BCAS1: variants seen among roughly 807,000 people sequenced by gnomAD.
BCAS1 encodes the protein brain enriched myelin associated protein 1, also known as breast carcinoma-amplified sequence 1.
A neutral mutation model predicts 65.4 loss-of-function variants in BCAS1; 46 were observed. The ratio of observed to expected loss-of-function variants is 0.70; its 90% CI spans 0.55 to 0.90. The LOEUF is 0.90. BCAS1 is among the 40% of genes least tolerant of loss of function. The pLI, the probability that BCAS1 is intolerant of heterozygous loss-of-function variation, is 0.00. For missense variants in BCAS1, 793 were observed against 771.2 expected (o/e 1.03, Z -0.33); for synonymous variants, 298 against 293.5 (o/e 1.02, Z -0.16).
chr20:54,057,981 G>T, intron 3 of BCAS1, 104 bp downstream of exon 3: 1 of 881,446 alleles, frequency 1.1e-6, no homozygotes, highest in Non-Finnish European at 1.8e-6. Context: ...AACTGAGCCT[G>T]CGGCTTCGAC....
intron 7 of BCAS1, among the ~76,000 whole-genome samples, chr20:53,987,639 A>G (rs2090647265): frequency 6.6e-6 from 1 of 152,212 alleles, no homozygotes; most frequent in South Asian, 2.1e-4. Context: ...GGAGAGGATG[A>G]CAGTAAATAA....
At chr20:53,947,751 C>T (rs2089374950) in intron 12 of BCAS1, among the ~76,000 whole-genome samples, 1 of 152,282 alleles carries the variant, frequency 6.6e-6, no homozygotes, top group African/African-American at 2.4e-5. Flanking sequence ...CTCCATTTAC[C>T]GTGCATTGTA....
chr20:53,962,913 C>T (rs931790348), intron 10 of BCAS1, among the ~76,000 whole-genome samples: 2 of 152,014 alleles, frequency 1.3e-5, no homozygotes, highest in Non-Finnish European at 2.9e-5. Flanking sequence ...TGCAGTGGCG[C>T]GATCTCAGCT....
At chr20:54,030,846 T>C (rs899428413) in intron 3 of BCAS1, among the ~76,000 whole-genome samples, 4 of 151,292 alleles carry the variant, frequency 2.6e-5, no homozygotes, top group Non-Finnish European at 4.4e-5. Context: ...TAACCTTTTT[T>C]TCTGTGATTC....
In BCAS1 at chr20:54,037,675, A is replaced by G. The variant is rs1302833259; in HGVS notation, c.143-8703T>C. On this transcript the variant is annotated intron_variant, in intron 3 of 12. Transcript: ENST00000688948. ...GGTACTATCATCACTCCCATTTTACAGGTCGTGAAACTGAGGCTCTGAAAA... is the reference window on the plus strand; with the variant it reads ...GGTACTATCATCACTCCCATTTTACGGGTCGTGAAACTGAGGCTCTGAAAA... Among the ~76,000 whole-genome samples the G allele has an allele frequency of 2.0e-5, 3 of 151,416 alleles. No individual in the cohort carries two copies. In the East Asian group the frequency reaches 5.8e-4, roughly 29 times the overall value.
chr20:54,007,684 A>G (rs1793439589), intron 4 of BCAS1, among the ~76,000 whole-genome samples: 2 of 152,198 alleles, frequency 1.3e-5, no homozygotes, highest in Non-Finnish European at 2.9e-5. Flanking sequence ...TTCCAGGTGA[A>G]ATTCTCAGCT....
chr20:53,958,416 T>C (rs1460598104), intron 10 of BCAS1, among the ~76,000 whole-genome samples: 1 of 152,162 alleles, frequency 6.6e-6, no homozygotes, highest in Non-Finnish European at 1.5e-5. Flanking sequence ...TCTTCCCAGC[T>C]AAGGGAGGAG....
At chr20:53,988,655 G>A (rs6022897) in intron 7 of BCAS1, among the ~76,000 whole-genome samples, 19,120 of 152,124 alleles carry the variant, frequency 0.13, 2,610 homozygotes, top group African/African-American at 0.34. Flanking sequence ...TGTGTTGGAA[G>A]CTTACAATTT....
chr20:53,966,027 T>A (rs2090016530), intron 10 of BCAS1, among the ~76,000 whole-genome samples: 2 of 152,160 alleles, frequency 1.3e-5, no homozygotes, highest in South Asian at 4.1e-4. Context: ...ACACTGTAGG[T>A]GGGAATGTGA....
chr20:54,034,363 T>G (rs753570409), intron 3 of BCAS1, among the ~76,000 whole-genome samples: 1 of 151,346 alleles, frequency 6.6e-6, no homozygotes, highest in South Asian at 2.1e-4. Flanking sequence ...GCAGATTACA[T>G]GACATTATAT....
chr20:54,045,555 C>G (rs2092088019), intron 3 of BCAS1, among the ~76,000 whole-genome samples: 1 of 152,176 alleles, frequency 6.6e-6, no homozygotes, highest in South Asian at 2.1e-4. Flanking sequence ...CATAAATGAG[C>G]TAAACCTTGC....
At position 54,041,908 on chromosome 20, in the gene BCAS1, C is replaced by CAAAAAAAAAAAAAAAAAAAAAAAAAA; in HGVS notation, c.143-12937_143-12936insTTTTTTTTTTTTTTTTTTTTTTTTTT. Among the ~76,000 whole-genome samples, 191 of 67,318 alleles carry CAAAAAAAAAAAAAAAAAAAAAAAAAA rather than the reference C, an allele frequency of 2.8e-3. 49 individuals carry two copies. The highest frequency in any genetic ancestry group is 4.5e-3 in the South Asian group (6 of 1,334). 44.2% of individuals were successfully genotyped at this position (67,318 alleles called of 152,430 possible). On this transcript the variant is annotated intron_variant, in intron 3 of 12. Transcript: ENST00000688948. ...AGTTCAGAGTGAGACTCTGTCTCCC[C>CAAAAAAAAAAAAAAAAAAAAAAAAAA]CAAAAAAAAAAAAAAAAAAAAAAGA... is the stretch of plus-strand genomic sequence containing the variant.
In BCAS1 at chr20:54,028,971, G is replaced by A. The variant is rs767842143; in HGVS notation, c.144C>T (p.Val48=). 5.6e-6 allele frequency: 9 copies of A among 1,603,566 alleles called. No homozygotes were observed. In the East Asian group the frequency reaches 6.7e-5, roughly 12 times the overall value. Residue 48 remains valine, a splice_region_variant and synonymous_variant, in exon 4 of 13, where the codon GTC becomes GTT. Transcript: ENST00000688948. Reference sequence around the variant, plus strand: ...CCGTCTTGACACTTATTCCCAAGTCGACTGTAAACACAAACATAAACAGTG... The same window carrying A: ...CCGTCTTGACACTTATTCCCAAGTCAACTGTAAACACAAACATAAACAGTG... The part of the protein sequence containing the change: ...STHTVQHLEE[V]DLGISVKTDN...
chr20:54,048,098 G>A (rs1180364081), intron 3 of BCAS1, among the ~76,000 whole-genome samples: 2 of 152,056 alleles, frequency 1.3e-5, no homozygotes, highest in Non-Finnish European at 2.9e-5. Flanking sequence ...ATGAGGATGG[G>A]GTGTCTCACA....
At chr20:54,016,537 C>A (rs2091442904) in intron 4 of BCAS1, among the ~76,000 whole-genome samples, 1 of 152,196 alleles carries the variant, frequency 6.6e-6, no homozygotes, top group Non-Finnish European at 1.5e-5. Flanking sequence ...ACCTATCAAT[C>A]AATAAATTCT....
At chr20:54,046,437 G>A (rs541534518) in intron 3 of BCAS1, among the ~76,000 whole-genome samples, 1 of 148,676 alleles carries the variant, frequency 6.7e-6, no homozygotes, top group Admixed American at 6.9e-5. Context: ...GCTGAGGCAG[G>A]AGAATCACTT....
Position 53,966,913 on chromosome 20 carries a change from C to T in BCAS1, c.1478G>A (p.Arg493Lys). 1 of 1,606,798 alleles carries T rather than the reference C, an allele frequency of 6.2e-7. No individual in the cohort carries two copies. Among genetic ancestry groups the T allele is most frequent in the Non-Finnish European group, 8.5e-7 (1 of 1,177,934 alleles). Residue 493 changes from arginine (R) to lysine (K), a missense_variant, in exon 10 of 13, where the codon AGA (arginine) becomes AAA (lysine). Transcript: ENST00000688948. ...KPRTSLMAFLRQMSVKGDGGI... is the reference protein window; with the variant it reads ...KPRTSLMAFLKQMSVKGDGGI... The stretch of plus-strand genomic sequence containing the variant: ...TGGAAGTAAGGGGCTTACCATTTGT[C>T]TGAGAAACGCCATCAGAGAGGTTCT...
chr20:53,995,969 C>G lies in BCAS1; in HGVS notation c.805G>C (p.Glu269Gln), dbSNP rs374457449. Reference sequence around the variant, plus strand: ...GCCTGGGAATCGTCCTTTGCAGTCTCCAGTCCTTCTGGGTCCCCAGGGACA... The same window carrying G: ...GCCTGGGAATCGTCCTTTGCAGTCTGCAGTCCTTCTGGGTCCCCAGGGACA... ...CSVPGDPEGL[E>Q]TAKDDSQAAA... is the part of the protein sequence containing the mutation. Residue 269 changes from glutamate (E) to glutamine (Q), a missense_variant, in exon 5 of 13, where the codon GAG becomes CAG. Physicochemically the swap from Glu to Gln is conservative, Grantham distance 29 (BLOSUM62 2). Coordinates refer to ENST00000688948, the MANE Select transcript of BCAS1 (RefSeq NM_001366298.2). 5.0e-6 allele frequency: 8 copies of G among 1,613,616 alleles called. No individual in the cohort carries two copies. The highest frequency in any genetic ancestry group is 6.8e-6 in the Non-Finnish European group (8 of 1,179,740).
intron 1 of BCAS1, among the ~76,000 whole-genome samples, chr20:54,060,893 A>G (rs112193845): frequency 5.6e-4 from 85 of 152,314 alleles, no homozygotes; most frequent in African/African-American, 2.0e-3. Flanking sequence ...ATTGTTAGTC[A>G]ATGGAGGGAA....
Sources: allele counts gnomAD v4.1 joint callset (sites outside exome capture counted in the v4.1 genomes callset), GRCh38; gene constraint gnomAD v4.1.1; transcripts MANE v1.5; gene names NCBI Gene and HGNC (gene_info 2026-07-23, HGNC 2026-07-21).